Variants in CAGE1 observed in about 807,000 individuals in gnomAD.
The protein encoded by CAGE1 is cancer-associated gene 1 protein.
CAGE1 carries 66 observed loss-of-function variants against 94.9 expected under a neutral mutation model. The ratio of observed to expected loss-of-function variants is 0.70; its 90% CI spans 0.57 to 0.85. The LOEUF is 0.85. Ranked by LOEUF, CAGE1 falls within the 40% of genes least tolerant of loss-of-function variation. The pLI, the probability that CAGE1 is intolerant of heterozygous loss-of-function variation, is 0.00. For synonymous variants in CAGE1, 319 were observed against 321.0 expected, an observed-to-expected ratio of 0.99 and a Z score of 0.07; for missense variants, 865 against 950.4, an observed-to-expected ratio of 0.91 and a Z score of 1.18.
chr6:7,329,297 T>C, intron 13 of CAGE1: 1 of 375,988 alleles, frequency 2.7e-6, no homozygotes, highest in Non-Finnish European at 4.7e-6. Context: ...AATCGCTTGC[T>C]TAGAAAGCTG....
At chr6:7,384,946 C>T (rs916832266) in intron 3 of CAGE1, among the ~76,000 whole-genome samples, 2 of 152,114 alleles carry the variant, frequency 1.3e-5, no homozygotes, top group Non-Finnish European at 2.9e-5. Context: ...AATCCTTCTG[C>T]CTTGGCCTCC....
intron 11 of CAGE1, among the ~76,000 whole-genome samples, chr6:7,337,324 C>T (rs1182551342): frequency 1.3e-5 from 1 of 79,648 alleles, no homozygotes; most frequent in Non-Finnish European, 2.2e-5. Context: ...GAGACTGTCT[C>T]GAAAAAAAAA....
chr6:7,333,638 C>CTATATA (rs1257307194), intron 12 of CAGE1, among the ~76,000 whole-genome samples: 95 of 32,628 alleles, frequency 2.9e-3, no homozygotes, highest in Non-Finnish European at 3.8e-3. Flanking sequence ...ATCTATCTAA[C>CTATATA]TATCTATATA....
chr6:7,382,356 C>T (rs1760965644), intron 3 of CAGE1, among the ~76,000 whole-genome samples: 1 of 150,854 alleles, frequency 6.6e-6, no homozygotes, highest in African/African-American at 2.4e-5. Context: ...ACGCTGGAGT[C>T]AGTGGCACGA....
intron 12 of CAGE1, among the ~76,000 whole-genome samples, chr6:7,333,705 G>C (rs180777662): frequency 2.3e-4 from 33 of 140,870 alleles, no homozygotes; most frequent in Admixed American, 2.1e-3. Flanking sequence ...GTCCCACTCT[G>C]TTGCTCATGC....
chr6:7,385,827 G>T lies in CAGE1; in HGVS notation c.241C>A (p.Leu81Ile), dbSNP rs747124047. 1.3e-6 allele frequency: 2 copies of T among 1,543,888 alleles called. No homozygotes were observed. The highest frequency in any genetic ancestry group is 2.8e-5 in the African/African-American group (2 of 72,710). Reference sequence around the variant, plus strand: ...AGTGTGCCATAAGCATCTTCACAAAGTGTGGATTCATACTCATTTTCCCTT... The same window carrying T: ...AGTGTGCCATAAGCATCTTCACAAATTGTGGATTCATACTCATTTTCCCTT... ...FERENEYEST[L>I]CEDAYGTLDN... is the part of the protein sequence containing the mutation. Residue 81 changes from leucine to isoleucine, a missense_variant, in exon 3 of 14, where the codon CTT (leucine) becomes ATT (isoleucine). Physicochemically the swap from Leu to Ile is conservative, Grantham distance 5. Transcript: ENST00000502583.
chr6:7,336,595 C>T (rs2764099), intron 11 of CAGE1, among the ~76,000 whole-genome samples: 2,449 of 152,252 alleles, frequency 0.016, 87 homozygotes, highest in African/African-American at 0.056. Flanking sequence ...CTGCAACCTC[C>T]GCCTCCCTGG....
At chr6:7,327,171 G>C (rs189514952) in intron 13 of CAGE1, among the ~76,000 whole-genome samples, 36 of 152,234 alleles carry the variant, frequency 2.4e-4, no homozygotes, top group Non-Finnish European at 5.0e-4. Flanking sequence ...TCCTGCCTCT[G>C]CCTCCCAAGT....
At chr6:7,385,307 C>T (rs914981355) in intron 3 of CAGE1, among the ~76,000 whole-genome samples, 2 of 143,758 alleles carry the variant, frequency 1.4e-5, no homozygotes, top group African/African-American at 5.1e-5. Flanking sequence ...GCCTGGCCCC[C>T]GCTTTTTTTT....
At chr6:7,346,007 T>C (rs537902136) in intron 11 of CAGE1, among the ~76,000 whole-genome samples, 2 of 152,292 alleles carry the variant, frequency 1.3e-5, no homozygotes, top group African/African-American at 4.8e-5. Flanking sequence ...GCAGAATCAA[T>C]AGACTAGCAC....
At chr6:7,354,879 C>A (rs1035278990) in intron 11 of CAGE1, among the ~76,000 whole-genome samples, 162 bp downstream of exon 11, 4 of 151,980 alleles carry the variant, frequency 2.6e-5, no homozygotes, top group African/African-American at 7.3e-5. Context: ...TGAAGTAGTC[C>A]AGACATTAAG....
intron 9 of CAGE1, among the ~76,000 whole-genome samples, chr6:7,360,251 C>T (rs946679099): frequency 1.3e-5 from 2 of 152,250 alleles, no homozygotes; most frequent in East Asian, 3.9e-4. Flanking sequence ...CTGCCATGTT[C>T]TGGGGACTAG....
At chr6:7,329,063 C>G (rs2113334515) in intron 13 of CAGE1, 2 of 245,682 alleles carry the variant, frequency 8.1e-6, no homozygotes, top group Non-Finnish European at 1.5e-5. Context: ...GCCCAAGTAA[C>G]TGGGATTACA....
At chr6:7,332,231 TG>T (rs1245547413) in intron 12 of CAGE1, among the ~76,000 whole-genome samples, 3 of 152,210 alleles carry the variant, frequency 2.0e-5, no homozygotes, top group Non-Finnish European at 4.4e-5. Flanking sequence ...CATACTTGGC[TG>T]GGTGGCTTCA....
chr6:7,329,228 C>A, intron 13 of CAGE1: 1 of 402,844 alleles, frequency 2.5e-6, no homozygotes, highest in Non-Finnish European at 4.4e-6. Context: ...CCACCGCGCC[C>A]AGCCTGTATC....
At chr6:7,370,457 C>A (rs562010840) in intron 5 of CAGE1, among the ~76,000 whole-genome samples, 1 of 152,162 alleles carries the variant, frequency 6.6e-6, no homozygotes, top group Non-Finnish European at 1.5e-5. Context: ...CCACACTCGG[C>A]TAATTTTTCA....
rs1412939229 is a variant in CAGE1 at position 7,386,972 on chromosome 6, T to G, written c.195+7A>C. ...TGAGCCTCCTGGAACTTATAAGCAA[T>G]GCACACCTGAGGCAAGTCACAAGTG... On this transcript the variant is annotated splice_region_variant and intron_variant, in intron 2 of 13. Transcript: ENST00000502583. 1.3e-6 allele frequency: 2 copies of G among 1,540,210 alleles called. No individual in the cohort carries two copies. The highest frequency in any genetic ancestry group is 8.8e-7 in the Non-Finnish European group (1 of 1,136,380).
intron 5 of CAGE1, 54 bp downstream of exon 5, chr6:7,373,019 A>G: frequency 1.6e-6 from 2 of 1,274,696 alleles, no homozygotes; most frequent in South Asian, 1.4e-5. Context: ...GCATCACTAG[A>G]CCACTAGAAA....
Position 7,368,637 on chromosome 6 carries a change from A to G in CAGE1, c.2004+51T>C, listed in dbSNP as rs1201328465. ...GTTACTTCTTCACTACCTTTTAACT[A>G]TTTTTTCACTAAAAATAATAAAATT... On this transcript the variant is annotated intron_variant, in intron 7 of 13. Transcript: ENST00000502583. 1.5e-5 allele frequency: 15 copies of G among 996,118 alleles called. No individual in the cohort carries two copies. In the East Asian group the frequency reaches 3.8e-4, roughly 25 times the overall value. The allele number at this position is 996,118 out of a possible 1,614,324, so 61.7% of individuals were successfully genotyped here.
Sources: allele counts gnomAD v4.1 joint callset (sites outside exome capture counted in the v4.1 genomes callset), GRCh38; gene constraint gnomAD v4.1.1; transcripts MANE v1.5; gene names NCBI Gene and HGNC (gene_info 2026-07-23, HGNC 2026-07-21).